CCSER1: variants seen among roughly 807,000 people sequenced by gnomAD.
CCSER1 encodes coiled-coil serine rich protein 1, also known as serine-rich coiled-coil domain-containing protein 1.
Under a neutral mutation model 82.0 loss-of-function variants are expected in CCSER1, and 41 were observed. That is an observed-to-expected ratio of 0.50 (90% confidence interval 0.39 to 0.65). CCSER1 has a LOEUF of 0.65. CCSER1 is among the 30% of genes least tolerant of loss of function. The probability of loss-of-function intolerance (pLI) is 0.00; values close to 1 mark genes in which losing one functional copy is unlikely to be tolerated. For missense variants in CCSER1, 1,119 were observed against 1,064.2 expected (o/e 1.05, Z -0.72); for synonymous variants, 414 against 383.9 (o/e 1.08, Z -0.92).
intron 8 of CCSER1, among the ~76,000 whole-genome samples, chr4:90,904,298 A>G (rs971139921): frequency 2.6e-5 from 4 of 152,060 alleles, no homozygotes; most frequent in African/African-American, 9.7e-5. Context: ...CTCTGCACTC[A>G]TTTGTGCTGT....
chr4:90,305,374 T>C (rs2153476554), intron 1 of CCSER1, among the ~76,000 whole-genome samples: 1 of 152,316 alleles, frequency 6.6e-6, no homozygotes, highest in East Asian at 1.9e-4. Context: ...CAAATCATTA[T>C]GGTTGATTAT....
In CCSER1 at chr4:91,018,618, T is replaced by C. The variant is rs2150520586; in HGVS notation, c.2173-67332T>C. 2.0e-5 allele frequency among the ~76,000 whole-genome samples: 3 copies of C among 152,224 alleles called. No individual in the cohort carries two copies. The South Asian group carries it at 6.2e-4, about 32-fold the overall frequency. ...AAACACTGCATAATGTGGCATCTGC[T>C]TACCCTTTGGTTTTATTTCTTGTGA... On this transcript the variant is annotated intron_variant, in intron 9 of 10. Transcript: ENST00000509176.
intron 10 of CCSER1, among the ~76,000 whole-genome samples, chr4:91,087,028 G>C (rs1456649551): frequency 6.6e-6 from 1 of 152,076 alleles, no homozygotes; most frequent in Non-Finnish European, 1.5e-5. Context: ...ATGGTCATCA[G>C]TATGACTGGG....
chr4:90,352,403 C>A (rs1308728607), intron 3 of CCSER1, among the ~76,000 whole-genome samples: 1 of 151,976 alleles, frequency 6.6e-6, no homozygotes, highest in African/African-American at 2.4e-5. Flanking sequence ...GTGACTGACA[C>A]CTGTAATACT....
At chr4:90,904,849 T>C (rs1725221650) in intron 8 of CCSER1, among the ~76,000 whole-genome samples, 1 of 152,140 alleles carries the variant, frequency 6.6e-6, no homozygotes, top group Non-Finnish European at 1.5e-5. Context: ...ATCTCACTTT[T>C]CATTATGCTC....
intron 5 of CCSER1, among the ~76,000 whole-genome samples, chr4:90,475,386 G>A (rs571898317): frequency 4.7e-4 from 71 of 152,228 alleles, no homozygotes; most frequent in African/African-American, 1.5e-3. Context: ...CAGCATCTGA[G>A]GAGATCAGTG....
chr4:91,288,606 T>C (rs1743502808), intron 10 of CCSER1, among the ~76,000 whole-genome samples: 1 of 151,980 alleles, frequency 6.6e-6, no homozygotes, highest in African/African-American at 2.4e-5. Context: ...GCTAAAGGCT[T>C]GAAGAAGGGA....
rs577614944 is a variant in CCSER1 at position 90,164,235 on chromosome 4, C to T, written c.-42+36404C>T. ...TTCAAATCATTAAGGAAAATAATAG[C>T]TACAATTTCCTACATTCTTAAGGTT... is the stretch of plus-strand genomic sequence containing the variant. On this transcript the variant is annotated intron_variant, in intron 1 of 10. Coordinates refer to ENST00000509176, the MANE Select transcript of CCSER1 (RefSeq NM_001145065.2). Among the ~76,000 whole-genome samples, 4 of 150,000 alleles carry T rather than the reference C, an allele frequency of 2.7e-5. No homozygotes were observed. The South Asian group carries it at 8.4e-4, about 32-fold the overall frequency.
At chr4:91,433,600 A>G (rs928783055) in intron 10 of CCSER1, among the ~76,000 whole-genome samples, 5 of 152,320 alleles carry the variant, frequency 3.3e-5, no homozygotes, top group African/African-American at 1.2e-4. Context: ...CATGTGTTAC[A>G]GTATTCTGTT....
chr4:91,419,554 G>C (rs182799857), intron 10 of CCSER1, among the ~76,000 whole-genome samples: 9 of 152,038 alleles, frequency 5.9e-5, no homozygotes, highest in Admixed American at 5.2e-4. Context: ...GAAAGAAATT[G>C]AAGAAGGCAC....
intron 4 of CCSER1, among the ~76,000 whole-genome samples, chr4:90,419,151 A>G (rs766128738): frequency 1.3e-4 from 19 of 151,980 alleles, no homozygotes; most frequent in Non-Finnish European, 2.2e-4. Context: ...CAAATTTTCT[A>G]TTACACTACA....
At chr4:90,733,813 T>A (rs1366364276) in intron 7 of CCSER1, among the ~76,000 whole-genome samples, 2 of 152,150 alleles carry the variant, frequency 1.3e-5, no homozygotes, top group Non-Finnish European at 2.9e-5. Flanking sequence ...TAGGCACTTT[T>A]GTCAAAAATG....
At chr4:90,573,014 A>C (rs1780299432) in intron 5 of CCSER1, among the ~76,000 whole-genome samples, 1 of 152,218 alleles carries the variant, frequency 6.6e-6, no homozygotes, top group South Asian at 2.1e-4. Context: ...GGTGCATTAG[A>C]AACCTGGGAC....
intron 10 of CCSER1, among the ~76,000 whole-genome samples, chr4:91,431,213 G>A (rs1325545450): frequency 6.6e-6 from 1 of 152,086 alleles, no homozygotes; most frequent in African/African-American, 2.4e-5. Context: ...TCCAGTCTGG[G>A]CAACAGAGCG....
At position 90,861,926 on chromosome 4, in the gene CCSER1, A is replaced by AT. The variant is rs70963087; in HGVS notation, c.2094+46091dup. Among the ~76,000 whole-genome samples, 139 of 125,658 alleles carry AT rather than the reference A, an allele frequency of 1.1e-3. 1 individual carries two copies. Among genetic ancestry groups the AT allele is most frequent in the East Asian group, 7.3e-3 (31 of 4,250 alleles). 82.4% of individuals were successfully genotyped at this position (125,658 alleles called of 152,430 possible). A position where few individuals can be genotyped will look rare whatever the true frequency, so the allele number is the denominator to read the frequency against. ...GACTCATATATATATATATATATAT[A>AT]TTTTTTTTTTCTGTTAGACTAGTGT... On this transcript the variant is annotated intron_variant, in intron 8 of 10. Coordinates refer to ENST00000509176, the MANE Select transcript of CCSER1 (RefSeq NM_001145065.2).
At chr4:91,427,458 A>G (rs1754051262) in intron 10 of CCSER1, among the ~76,000 whole-genome samples, 1 of 152,086 alleles carries the variant, frequency 6.6e-6, no homozygotes, top group Admixed American at 6.6e-5. Context: ...TCAAGGATTC[A>G]GTTTTTCTAT....
chr4:91,523,989 A>G (rs1481242415), intron 10 of CCSER1, among the ~76,000 whole-genome samples: 1 of 152,196 alleles, frequency 6.6e-6, no homozygotes, highest in Non-Finnish European at 1.5e-5. Flanking sequence ...ATATTGAACA[A>G]CAACAAATCT....
chr4:90,511,762 A>G (rs1054969807), intron 5 of CCSER1, among the ~76,000 whole-genome samples: 1 of 152,182 alleles, frequency 6.6e-6, no homozygotes, highest in African/African-American at 2.4e-5. Context: ...ATGGTATGGG[A>G]GGCAGAAAGA....
At chr4:90,439,600 A>G (rs1759558520) in intron 4 of CCSER1, among the ~76,000 whole-genome samples, 1 of 152,138 alleles carries the variant, frequency 6.6e-6, no homozygotes, top group South Asian at 2.1e-4. Flanking sequence ...TTGCTTCTAT[A>G]TATCCTAATT....
Sources: allele counts gnomAD v4.1 joint callset (sites outside exome capture counted in the v4.1 genomes callset), GRCh38; gene constraint gnomAD v4.1.1; transcripts MANE v1.5; gene names NCBI Gene and HGNC (gene_info 2026-07-23, HGNC 2026-07-21).